ZGRF1: variants seen among roughly 807,000 people sequenced by gnomAD.
The protein encoded by ZGRF1 is zinc finger GRF-type containing 1.
A neutral mutation model predicts 203.5 loss-of-function variants in ZGRF1; 196 were observed. The ratio of observed to expected loss-of-function variants is 0.96; its 90% CI spans 0.86 to 1.08. ZGRF1 has a LOEUF of 1.08. Ranked by LOEUF, ZGRF1 falls within the 50% of genes least tolerant of loss-of-function variation. The probability of loss-of-function intolerance (pLI) is 0.00; values close to 1 mark genes in which losing one functional copy is unlikely to be tolerated. For missense variants in ZGRF1, 2,326 were observed against 2,416.3 expected (o/e 0.96, Z 0.78); for synonymous variants, 809 against 841.3 (o/e 0.96, Z 0.66).
At position 112,585,713 on chromosome 4, in the gene ZGRF1, A is replaced by C; in HGVS notation, c.3929T>G (p.Ile1310Arg). 1 of 1,555,494 alleles carries C rather than the reference A, an allele frequency of 6.4e-7. No individual in the cohort carries two copies. Among genetic ancestry groups the C allele is most frequent in the Non-Finnish European group, 8.6e-7 (1 of 1,157,056 alleles). The change falls in exon 14 of 28, where the codon ATA (isoleucine) becomes AGA (arginine). Residue 1310 changes from isoleucine to arginine, a missense_variant. Physicochemically the swap from Ile to Arg is moderately conservative, Grantham distance 97. Coordinates refer to ENST00000505019, the MANE Select transcript of ZGRF1 (RefSeq NM_018392.5). ...FTSCLIEHLN[I>R]LLFGLAQNLQ... ...GTTTTGTGCTAACCCAAACAGCAATATATTTAGATGTTCTACAAAAAAAAA... is the reference window on the plus strand; with the variant it reads ...GTTTTGTGCTAACCCAAACAGCAATCTATTTAGATGTTCTACAAAAAAAAA...
rs375819687 is a variant in ZGRF1, at chr4:112,620,118, T to C, written c.235A>G (p.Ile79Val). 9.9e-6 allele frequency: 16 copies of C among 1,613,556 alleles called. No homozygotes were observed. The highest frequency in any genetic ancestry group is 1.4e-5 in the Non-Finnish European group (16 of 1,179,740). Reference protein sequence around the residue: ...TVEEVKVAGAIGIVKQNVNKE... With the variant: ...TVEEVKVAGAVGIVKQNVNKE... ...TTGACATTCTGCTTAACAATACCTA[T>C]GGCTCCAGCAACTTTAACCTCTTCA... is the stretch of plus-strand genomic sequence containing the variant. The change falls in exon 5 of 28, where the codon ATA (isoleucine) becomes GTA (valine). Residue 79 changes from isoleucine (I) to valine (V), a missense_variant. Transcript: ENST00000505019.
intron 24 of ZGRF1, among the ~76,000 whole-genome samples, chr4:112,546,101 C>A (rs925275515): frequency 1.7e-5 from 1 of 59,522 alleles, no homozygotes; most frequent in African/African-American, 6.1e-5. Flanking sequence ...TAATGTAGTA[C>A]CAATACATGC....
chr4:112,574,046 T>G (rs1282464870), intron 16 of ZGRF1, among the ~76,000 whole-genome samples: 2 of 152,240 alleles, frequency 1.3e-5, no homozygotes, highest in African/African-American at 4.8e-5. Flanking sequence ...ATAGAGCCAC[T>G]TTGGAAATCA....
chr4:112,609,780 A>G (rs1057317152), intron 7 of ZGRF1, among the ~76,000 whole-genome samples: 6 of 151,742 alleles, frequency 4.0e-5, no homozygotes, highest in Admixed American at 1.3e-4. Flanking sequence ...TCTGGGCGAC[A>G]AGAGCAAGAC....
intron 16 of ZGRF1, among the ~76,000 whole-genome samples, chr4:112,571,458 A>G (rs959260452): frequency 1.2e-4 from 18 of 152,222 alleles, no homozygotes; most frequent in Non-Finnish European, 1.5e-5. Context: ...AATATTCAAA[A>G]CTTCTACAGG....
At chr4:112,574,483 G>T (rs1160991726) in intron 16 of ZGRF1, among the ~76,000 whole-genome samples, 1 of 152,124 alleles carries the variant, frequency 6.6e-6, no homozygotes, top group Non-Finnish European at 1.5e-5. Context: ...GTGAGTGCAA[G>T]GATCAAAATG....
chr4:112,615,915 A>G (rs1271213182), intron 6 of ZGRF1, among the ~76,000 whole-genome samples: 2 of 152,168 alleles, frequency 1.3e-5, no homozygotes, highest in African/African-American at 2.4e-5. Flanking sequence ...GATTACAGGC[A>G]TGAGCCACTG....
At chr4:112,562,683 G>T (rs1396020986) in intron 17 of ZGRF1, among the ~76,000 whole-genome samples, 198 bp from the exon 18 acceptor site, 2 of 152,066 alleles carry the variant, frequency 1.3e-5, no homozygotes, top group African/African-American at 4.8e-5. Context: ...TTTTATAATG[G>T]GTATGCATAA....
At chr4:112,600,594 C>T (rs776219016) in intron 10 of ZGRF1, among the ~76,000 whole-genome samples, 7 of 151,548 alleles carry the variant, frequency 4.6e-5, no homozygotes, top group Admixed American at 1.3e-4. Context: ...GGGAGGCTGA[C>T]GCAGGAGAAT....
At chr4:112,582,513 C>T (rs2148998337) in intron 15 of ZGRF1, among the ~76,000 whole-genome samples, 1 of 151,974 alleles carries the variant, frequency 6.6e-6, no homozygotes, top group East Asian at 1.9e-4. Context: ...AGTGCAGTGG[C>T]ATGACCTTGG....
chr4:112,548,261 G>A lies in ZGRF1; in HGVS notation c.5466C>T (p.Pro1822=). The A allele has an allele frequency of 6.4e-7, 1 of 1,552,058 alleles. No individual in the cohort carries two copies. The highest frequency in any genetic ancestry group is 2.0e-5 in the Admixed American group (1 of 50,968). Reference sequence around the variant, plus strand: ...AGAATCTTTTAGGTTACCTTGCAATGGGAAGGAGAGAGGCCGGTTCAGTTA... The same window carrying A: ...AGAATCTTTTAGGTTACCTTGCAATAGGAAGGAGAGAGGCCGGTTCAGTTA... ...SQITEPASLL[P]IARFECEKLI... The change falls in exon 23 of 28, where the codon CCC becomes CCT. Residue 1822 remains proline (P), a synonymous_variant. Coordinates refer to ENST00000505019, the MANE Select transcript of ZGRF1 (RefSeq NM_018392.5).
chr4:112,599,947 C>G (rs967058251), intron 10 of ZGRF1, among the ~76,000 whole-genome samples: 8 of 152,044 alleles, frequency 5.3e-5, no homozygotes, highest in Non-Finnish European at 1.0e-4. Flanking sequence ...ACATAAAAAT[C>G]AATTACAGGT....
At chr4:112,623,617 GT>G (rs558146877) in intron 4 of ZGRF1, among the ~76,000 whole-genome samples, 199 bp downstream of exon 4, 4 of 151,656 alleles carry the variant, frequency 2.6e-5, no homozygotes, top group Non-Finnish European at 5.9e-5. Flanking sequence ...TAAAAATCAG[GT>G]TTTTTTTAGA....
Position 112,586,470 on chromosome 4 carries a change from C to T in ZGRF1, c.3891G>A (p.Lys1297=), listed in dbSNP as rs1379658448. The T allele has an allele frequency of 6.2e-7, 1 of 1,611,414 alleles. No individual in the cohort carries two copies. ...PAVFQSPAHY[K]QTFTSCLIEH... ...CTATGAGGCAAGATGTGAAAGTCTG[C>T]TTATAATGAGCAGGAGACTGAAAAA... The change falls in exon 13 of 28, where the codon AAG becomes AAA. Residue 1297 remains lysine, a synonymous_variant. Coordinates refer to ENST00000505019, the MANE Select transcript of ZGRF1 (RefSeq NM_018392.5).
intron 16 of ZGRF1, among the ~76,000 whole-genome samples, chr4:112,572,465 AC>A (rs1744378942): frequency 6.6e-6 from 1 of 152,080 alleles, no homozygotes; most frequent in South Asian, 2.1e-4. Context: ...CATCAGAAAA[AC>A]CCTTCTGACT....
intron 19 of ZGRF1, 123 bp from the exon 20 acceptor site, chr4:112,558,432 A>G: frequency 2.8e-6 from 2 of 719,770 alleles, no homozygotes; most frequent in Non-Finnish European, 4.0e-6. Context: ...CAGTGACACA[A>G]TCTCAGCTCA....
chr4:112,598,293 G>A (rs1227014502), intron 10 of ZGRF1, among the ~76,000 whole-genome samples: 1 of 152,038 alleles, frequency 6.6e-6, no homozygotes, highest in African/African-American at 2.4e-5. Context: ...CTTTTTGAGG[G>A]TATGGAAAAA....
At position 112,587,648 on chromosome 4, in the gene ZGRF1, G is replaced by A. The variant is rs1346097220; in HGVS notation, c.3409C>T (p.Leu1137Phe). The change falls in exon 12 of 28, where the codon CTT (leucine) becomes TTT (phenylalanine). Residue 1137 changes from leucine to phenylalanine, a missense_variant. Transcript: ENST00000505019. Reference sequence around the variant, plus strand: ...TTGCTCTGAGTAGATATATTATTAAGTGAAACATCCCCTGGATTCACTTCC... The same window carrying A: ...TTGCTCTGAGTAGATATATTATTAAATGAAACATCCCCTGGATTCACTTCC... ...SREVNPGDVS[L>F]NNISTQSKWL... 7 of 1,613,650 alleles carry A rather than the reference G, an allele frequency of 4.3e-6. No individual in the cohort carries two copies. The highest frequency in any genetic ancestry group is 2.2e-5 in the East Asian group (1 of 44,886).
chr4:112,576,087 A>C (rs1199776572), intron 16 of ZGRF1, among the ~76,000 whole-genome samples: 1 of 152,224 alleles, frequency 6.6e-6, no homozygotes, highest in Admixed American at 6.5e-5. Context: ...AAACTTCCAG[A>C]GGAACAATCA....
Sources: allele counts gnomAD v4.1 joint callset (sites outside exome capture counted in the v4.1 genomes callset), GRCh38; gene constraint gnomAD v4.1.1; transcripts MANE v1.5; gene names NCBI Gene and HGNC (gene_info 2026-07-23, HGNC 2026-07-21).